RGS6: variants seen among roughly 807,000 people sequenced by gnomAD.
The protein encoded by RGS6 is regulator of G protein signaling 6.
Under a neutral mutation model 78.5 loss-of-function variants are expected in RGS6, and 30 were observed. The observed-to-expected ratio is 0.38, with a 90% confidence interval of 0.29 to 0.52. The LOEUF is 0.52. RGS6 is among the 20% of genes least tolerant of loss of function. RGS6 has a pLI of 0.85. For synonymous variants in RGS6, 206 were observed against 206.0 expected (o/e 1.00, Z 0.00); for missense variants, 495 against 609.7 (o/e 0.81, Z 1.98).
chr14:72,356,431 C>G (rs751654306), intron 3 of RGS6, among the ~76,000 whole-genome samples: 1 of 152,162 alleles, frequency 6.6e-6, no homozygotes, highest in African/African-American at 2.4e-5. Context: ...GTCAATTAAG[C>G]TTCTTTCCTT....
At chr14:72,581,866 C>T in the RGS6 span, among the ~76,000 whole-genome samples, 1 of 152,296 alleles carries the variant, frequency 6.6e-6, no homozygotes, top group South Asian at 2.1e-4. Flanking sequence ...ATACACAGGG[C>T]TGCATAATTA....
At chr14:72,279,576 A>G (rs1388486741) in intron 2 of RGS6, among the ~76,000 whole-genome samples, 1 of 152,214 alleles carries the variant, frequency 6.6e-6, no homozygotes, top group Non-Finnish European at 1.5e-5. Flanking sequence ...AAGCCACCAC[A>G]GACTCTAAGG....
At chr14:72,068,391 C>G (rs2094257716) in intron 2 of RGS6, among the ~76,000 whole-genome samples, 1 of 151,946 alleles carries the variant, frequency 6.6e-6, no homozygotes, top group African/African-American at 2.4e-5. Flanking sequence ...CACCTCAGCC[C>G]CCCAAAGTGC....
chr14:72,227,466 A>C (rs765195828), intron 2 of RGS6, among the ~76,000 whole-genome samples: 1 of 152,148 alleles, frequency 6.6e-6, no homozygotes, highest in Non-Finnish European at 1.5e-5. Flanking sequence ...CAATATTAAA[A>C]TGATGAAAAA....
Position 72,221,240 on chromosome 14 carries a change from C to T in RGS6, c.85-130855C>T, listed in dbSNP as rs956281343. Among the ~76,000 whole-genome samples the T allele has an allele frequency of 3.9e-5, 6 of 152,160 alleles. 1 individual carries two copies. Among genetic ancestry groups the T allele is most frequent in the South Asian group, 4.1e-4 (2 of 4,834 alleles). ...AATCACAAGATTTTGCAATTTATGT[C>T]TACAAAATTTGCATAAAGTTATCCA... On this transcript the variant is annotated intron_variant, in intron 2 of 17. Transcript: ENST00000553525.
At chr14:72,140,671 C>T (rs1025201157) in intron 2 of RGS6, among the ~76,000 whole-genome samples, 1 of 152,202 alleles carries the variant, frequency 6.6e-6, no homozygotes, top group African/African-American at 2.4e-5. Context: ...TGAGTAAAAG[C>T]GCCCTTGGTA....
intron 2 of RGS6, among the ~76,000 whole-genome samples, chr14:72,056,577 C>A (rs866800132): frequency 2.0e-5 from 3 of 152,314 alleles, no homozygotes; most frequent in South Asian, 2.1e-4. Flanking sequence ...AGTTGACAAT[C>A]ACTTTTATGC....
chr14:71,949,937 C>A (rs2092111209), intron 1 of RGS6, among the ~76,000 whole-genome samples: 1 of 152,166 alleles, frequency 6.6e-6, no homozygotes, highest in Non-Finnish European at 1.5e-5. Flanking sequence ...AAAATCTCTT[C>A]ATTTCTACTA....
intron 3 of RGS6, among the ~76,000 whole-genome samples, chr14:72,436,678 A>T (rs1361316688): frequency 6.6e-6 from 1 of 152,224 alleles, no homozygotes; most frequent in Admixed American, 6.5e-5. Context: ...AACAACCTGA[A>T]ATAGCAAATA....
intron 2 of RGS6, among the ~76,000 whole-genome samples, chr14:72,220,030 A>G (rs2046487713): frequency 6.6e-6 from 1 of 152,222 alleles, no homozygotes; most frequent in Admixed American, 6.5e-5. Flanking sequence ...ACACAACTTC[A>G]GCAAAGTTTC....
chr14:71,989,551 T>C (rs758400012), intron 2 of RGS6, among the ~76,000 whole-genome samples: 4 of 152,236 alleles, frequency 2.6e-5, no homozygotes, highest in Non-Finnish European at 5.9e-5. Flanking sequence ...TTCTGCTTTG[T>C]AAATGAGGAA....
At chr14:72,484,829 T>C (rs992817078) in intron 12 of RGS6, among the ~76,000 whole-genome samples, 1 of 152,110 alleles carries the variant, frequency 6.6e-6, no homozygotes, top group Non-Finnish European at 1.5e-5. Flanking sequence ...AACAACTCTC[T>C]GAGATCCAGA....
intron 2 of RGS6, among the ~76,000 whole-genome samples, chr14:72,349,754 A>G (rs545650671): frequency 1.3e-5 from 2 of 152,208 alleles, no homozygotes; most frequent in Non-Finnish European, 2.9e-5. Flanking sequence ...TGAGTGGAGG[A>G]CAAAGAAGTC....
chr14:72,498,385 T>C (rs2096672903), intron 13 of RGS6, among the ~76,000 whole-genome samples: 1 of 152,242 alleles, frequency 6.6e-6, no homozygotes, highest in African/African-American at 2.4e-5. Flanking sequence ...ATTCTTTTTG[T>C]ATGCCCAGCT....
chr14:72,536,217 G>T lies in RGS6; in HGVS notation c.1310G>T (p.Ser437Ile). The T allele has an allele frequency of 6.2e-7, 1 of 1,613,920 alleles. No individual in the cohort carries two copies. Among genetic ancestry groups the T allele is most frequent in the Non-Finnish European group, 8.5e-7 (1 of 1,179,862 alleles). Residue 437 changes from serine (S) to isoleucine (I), a missense_variant, in exon 16 of 18, where the codon AGC (serine) becomes ATC (isoleucine). Coordinates refer to ENST00000553525, the MANE Select transcript of RGS6 (RefSeq NM_001204424.2). ...EHIYKLMKSD[S>I]YARFLRSNAY... ...ATCTACAAGCTGATGAAGAGTGACA[G>T]CTATGCCCGCTTCCTCCGGTCAAAT...
intron 17 of RGS6, among the ~76,000 whole-genome samples, chr14:72,544,690 G>C (rs2097369096): frequency 6.6e-6 from 1 of 152,240 alleles, no homozygotes; most frequent in Non-Finnish European, 1.5e-5. Context: ...AATGCAGCAG[G>C]CAAGTCAGAT....
At chr14:72,453,569 T>C (rs962968843) in intron 3 of RGS6, among the ~76,000 whole-genome samples, 11 of 114,128 alleles carry the variant, frequency 9.6e-5, no homozygotes, top group African/African-American at 3.2e-4. Context: ...TGAGCCGAGA[T>C]CCCGCCACTG....
At chr14:72,484,503 C>T (rs186295766) in intron 12 of RGS6, among the ~76,000 whole-genome samples, 56 of 152,226 alleles carry the variant, frequency 3.7e-4, no homozygotes, top group Non-Finnish European at 5.3e-4. Context: ...TTTCTTCTTC[C>T]TCCAACTTGT....
In RGS6 at chr14:72,562,615, G is replaced by C. The variant is rs938678331; in HGVS notation, c.*148G>C. On this transcript the variant is annotated 3_prime_UTR_variant, in exon 18 of 18. Transcript: ENST00000553525. Reference sequence around the variant, plus strand: ...GGGCAATGAAGGGCGATGGTGGGGAGACTCGGTGGGTGAATGGGGAGACCA... The same window carrying C: ...GGGCAATGAAGGGCGATGGTGGGGACACTCGGTGGGTGAATGGGGAGACCA... The C allele has an allele frequency of 3.3e-6, 5 of 1,532,918 alleles. No homozygotes were observed. The highest frequency in any genetic ancestry group is 2.0e-5 in the Admixed American group (1 of 50,720). 95.0% of individuals were successfully genotyped at this position (1,532,918 alleles called of 1,614,324 possible).
Sources: allele counts gnomAD v4.1 joint callset (sites outside exome capture counted in the v4.1 genomes callset), GRCh38; gene constraint gnomAD v4.1.1; transcripts MANE v1.5; gene names NCBI Gene and HGNC (gene_info 2026-07-23, HGNC 2026-07-21).